SMARCC1: variants seen among roughly 807,000 people sequenced by gnomAD.
The protein encoded by SMARCC1 is SWI/SNF related BAF chromatin remodeling complex subunit C1.
In SMARCC1, 43 loss-of-function variants were observed where a neutral mutation model predicts 147.4. The ratio of observed to expected loss-of-function variants is 0.29; its 90% CI spans 0.23 to 0.38. The LOEUF (loss-of-function observed/expected upper bound fraction) is 0.38, where lower values mean the gene tolerates loss of function less well. SMARCC1 is among the 10% of genes least tolerant of loss of function. SMARCC1 has a pLI of 1.00. For missense variants in SMARCC1, 1,119 were observed against 1,381.1 expected (o/e 0.81, Z 3.01); for synonymous variants, 495 against 484.4 (o/e 1.02, Z -0.29).
At chr3:47,614,916 G>A (rs1351088929) in intron 25 of SMARCC1, among the ~76,000 whole-genome samples, 1 of 152,152 alleles carries the variant, frequency 6.6e-6, no homozygotes, top group African/African-American at 2.4e-5. Flanking sequence ...TTGACTTTAT[G>A]CTCCTAACTC....
intron 2 of SMARCC1, among the ~76,000 whole-genome samples, chr3:47,767,885 T>G (rs943428707): frequency 2.0e-5 from 3 of 151,724 alleles, no homozygotes; most frequent in Non-Finnish European, 4.4e-5. Flanking sequence ...ACTCTTTTTT[T>G]TTTTTTAAGA....
At chr3:47,639,382 A>G (rs1486677457) in intron 21 of SMARCC1, among the ~76,000 whole-genome samples, 3 of 152,132 alleles carry the variant, frequency 2.0e-5, no homozygotes, top group African/African-American at 7.2e-5. Flanking sequence ...AAAATTATTA[A>G]TTTTCTACAC....
intron 5 of SMARCC1, among the ~76,000 whole-genome samples, chr3:47,735,755 CACA>C (rs1559658189): frequency 2.0e-5 from 3 of 151,952 alleles, no homozygotes; most frequent in South Asian, 2.1e-4. Context: ...CTCTCTCAAC[CACA>C]ACAACAAAAA....
At chr3:47,711,150 C>T (rs1559651473) in intron 8 of SMARCC1, among the ~76,000 whole-genome samples, 1 of 152,096 alleles carries the variant, frequency 6.6e-6, no homozygotes, top group Non-Finnish European at 1.5e-5. Flanking sequence ...GCTTTAGGCA[C>T]GAAGGATGTC....
intron 11 of SMARCC1, among the ~76,000 whole-genome samples, chr3:47,697,086 TGAG>T (rs942239380): frequency 3.9e-5 from 6 of 152,074 alleles, no homozygotes; most frequent in Non-Finnish European, 7.4e-5. Context: ...TTTGGGAGGC[TGAG>T]GAGGGTAGAT....
chr3:47,621,298 C>CAAAAAAAAAAAA (rs1183934374), intron 25 of SMARCC1, among the ~76,000 whole-genome samples: 1 of 63,226 alleles, frequency 1.6e-5, no homozygotes, highest in African/African-American at 5.1e-5. Context: ...GACTCCGTCT[C>CAAAAAAAAAAAA]AAAAAAAAAA....
intron 10 of SMARCC1, among the ~76,000 whole-genome samples, chr3:47,702,877 C>T (rs1479291728): frequency 1.3e-5 from 2 of 151,948 alleles, no homozygotes; most frequent in African/African-American, 4.8e-5. Context: ...GGATTGCAGG[C>T]AAGAGCCACT....
In SMARCC1 at chr3:47,680,705, G is replaced by A. The variant is rs2033634054; in HGVS notation, c.1386-197C>T. On this transcript the variant is annotated intron_variant, in intron 14 of 27. Transcript: ENST00000254480. ...TGGGACTACAGGCGCCCGCCACTAC[G>A]CCCGGCTAATTTTTTGTATTTTTAG... is the stretch of plus-strand genomic sequence containing the variant. Among the ~76,000 whole-genome samples the A allele has an allele frequency of 4.0e-5, 6 of 151,146 alleles. No homozygotes were observed. The South Asian group carries it at 1.3e-3, about 32-fold the overall frequency.
At position 47,671,196 on chromosome 3, in the gene SMARCC1, A is replaced by AAAAAAAAAC. The variant is rs753672169; in HGVS notation, c.1840-480_1840-479insGTTTTTTTT. On this transcript the variant is annotated intron_variant, in intron 18 of 27. Coordinates refer to ENST00000254480, the MANE Select transcript of SMARCC1 (RefSeq NM_003074.4). ...CTCAAAAAAAAAAAAAAAAAAAAAA[A>AAAAAAAAAC]AACACACACAAAAACCAAAACCAAA... 6.2e-3 allele frequency among the ~76,000 whole-genome samples: 501 copies of AAAAAAAAAC among 81,124 alleles called. 59 individuals carry two copies. Among genetic ancestry groups the AAAAAAAAAC allele is most frequent in the African/African-American group, 0.015 (376 of 25,018 alleles). 53.2% of individuals were successfully genotyped at this position (81,124 alleles called of 152,430 possible). A position where few individuals can be genotyped will look rare whatever the true frequency, so the allele number is the denominator to read the frequency against.
chr3:47,588,704 C>CCT (rs2032120979), intron 27 of SMARCC1, among the ~76,000 whole-genome samples: 1 of 56,262 alleles, frequency 1.8e-5, no homozygotes, highest in Admixed American at 2.4e-4. Flanking sequence ...TTTCTTCCCG[C>CCT]CCCCCCCCCG....
chr3:47,706,227 G>A (rs1440495367), intron 10 of SMARCC1, among the ~76,000 whole-genome samples, 182 bp downstream of exon 10: 4 of 151,442 alleles, frequency 2.6e-5, no homozygotes, highest in Admixed American at 1.3e-4. Context: ...GTGCACCACC[G>A]TGCCCAGCTA....
intron 1 of SMARCC1, among the ~76,000 whole-genome samples, chr3:47,779,260 A>T (rs1160435023): frequency 3.3e-5 from 5 of 152,200 alleles, no homozygotes; most frequent in Non-Finnish European, 5.9e-5. Flanking sequence ...AAAAATAAAT[A>T]AAAAATGACA....
In SMARCC1 at chr3:47,772,889, C is replaced by T. The variant is rs747286367; in HGVS notation, c.243G>A (p.Val81=). The change falls in exon 2 of 28, where the codon GTG becomes GTA. Residue 81 remains valine (V), a synonymous_variant. Transcript: ENST00000254480. ...CTTCCTGGAACTGAAGAAGCTGCAC[C>T]ACCAGCCCAGCCAGTGTTTTATTGG... The part of the protein sequence containing the change: ...APTNKTLAGL[V]VQLLQFQEDA... The T allele has an allele frequency of 6.2e-7, 1 of 1,613,452 alleles. No homozygotes were observed. Among genetic ancestry groups the T allele is most frequent in the Non-Finnish European group, 8.5e-7 (1 of 1,179,572 alleles).
At chr3:47,718,634 C>T (rs1278427958) in intron 7 of SMARCC1, among the ~76,000 whole-genome samples, 2 of 151,698 alleles carry the variant, frequency 1.3e-5, no homozygotes, top group African/African-American at 4.8e-5. Context: ...ATGATGGGTG[C>T]ACCAAATCAC....
At chr3:47,736,706 T>A (rs1009793311) in intron 4 of SMARCC1, among the ~76,000 whole-genome samples, 15 of 151,124 alleles carry the variant, frequency 9.9e-5, no homozygotes, top group Non-Finnish European at 1.5e-4. Context: ...TCAAATAAAA[T>A]AAATAAAAAA....
chr3:47,615,997 A>C (rs927604396), intron 25 of SMARCC1, among the ~76,000 whole-genome samples: 1 of 152,168 alleles, frequency 6.6e-6, no homozygotes, highest in African/African-American at 2.4e-5. Context: ...GAAGGTATAA[A>C]ATTTCTATAC....
chr3:47,614,015 C>T (rs889431574), intron 25 of SMARCC1, among the ~76,000 whole-genome samples: 1 of 152,008 alleles, frequency 6.6e-6, no homozygotes, highest in African/African-American at 2.4e-5. Context: ...GTGAGGGCCA[C>T]AAAAATCTAT....
intron 7 of SMARCC1, among the ~76,000 whole-genome samples, chr3:47,718,697 TG>T: frequency 6.6e-6 from 1 of 150,506 alleles, no homozygotes. Context: ...CAATAACTTA[TG>T]AAAAAATAAA....
At chr3:47,762,298 T>C (rs1033073837) in intron 2 of SMARCC1, among the ~76,000 whole-genome samples, 1 of 152,200 alleles carries the variant, frequency 6.6e-6, no homozygotes, top group Non-Finnish European at 1.5e-5. Flanking sequence ...CCCCTTCTTA[T>C]TAACTTCACG....
Sources: gnomAD v4.1 joint callset for allele counts (sites outside exome capture counted in the v4.1 genomes callset) on GRCh38, gnomAD v4.1.1 for gene constraint, MANE v1.5 for transcripts, NCBI Gene and HGNC (gene_info 2026-07-23, HGNC 2026-07-21) for gene names.